The following HHLA2 variants were observed in gnomAD, a reference collection of about 807,000 sequenced individuals.
HHLA2 encodes HERV-H LTR-associating protein 2.
A neutral mutation model predicts 45.9 loss-of-function variants in HHLA2; 48 were observed. The ratio of observed to expected loss-of-function variants is 1.05; its 90% confidence interval spans 0.83 to 1.33. HHLA2 has a LOEUF of 1.33. Ranked by LOEUF, HHLA2 falls within the 40% of genes most tolerant of loss-of-function variation. HHLA2 has a pLI of 0.00. For synonymous variants in HHLA2, 161 were observed against 173.9 expected (o/e 0.93, Z 0.59); for missense variants, 462 against 494.3 (o/e 0.93, Z 0.62).
At chr3:108,342,018 G>A (rs774084841) in intron 3 of HHLA2, among the ~76,000 whole-genome samples, 6 of 152,056 alleles carry the variant, frequency 3.9e-5, no homozygotes, top group Admixed American at 6.6e-5. Flanking sequence ...ATCCCAAGCC[G>A]GACATGCTCA....
At chr3:108,321,721 C>T (rs1475204004) in intron 2 of HHLA2, among the ~76,000 whole-genome samples, 1 of 151,904 alleles carries the variant, frequency 6.6e-6, no homozygotes, top group African/African-American at 2.4e-5. Context: ...TTCTTAAATA[C>T]TTTTGTTTTC....
intron 1 of HHLA2, among the ~76,000 whole-genome samples, chr3:108,308,178 C>T (rs887142420): frequency 3.9e-5 from 6 of 152,182 alleles, no homozygotes. Flanking sequence ...CCCTTCCCAG[C>T]CTCTGGTAAC....
chr3:108,358,479 C>T (rs1409190564), intron 7 of HHLA2, among the ~76,000 whole-genome samples: 1 of 152,076 alleles, frequency 6.6e-6, no homozygotes, highest in African/African-American at 2.4e-5. Context: ...CTAATATATA[C>T]CTTAGGCCTA....
intron 1 of HHLA2, among the ~76,000 whole-genome samples, chr3:108,310,418 T>C (rs955544758): frequency 2.0e-5 from 3 of 152,214 alleles, no homozygotes; most frequent in African/African-American, 7.2e-5. Context: ...TAATGACATA[T>C]TGTTCCCCTC....
At chr3:108,324,637 T>C (rs2081258117) in intron 2 of HHLA2, among the ~76,000 whole-genome samples, 1 of 152,224 alleles carries the variant, frequency 6.6e-6, no homozygotes, top group Non-Finnish European at 1.5e-5. Context: ...CTGTCCTTGC[T>C]TTTCTTTAGT....
chr3:108,377,241 A>AT lies in HHLA2; in HGVS notation c.1225-12dup. The AT allele has an allele frequency of 6.7e-7, 1 of 1,489,174 alleles. No individual in the cohort carries two copies. The highest frequency in any genetic ancestry group is 9.3e-7 in the Non-Finnish European group (1 of 1,070,688). The allele number at this position is 1,489,174 out of a possible 1,614,324, so 92.2% of individuals were successfully genotyped here. A position where few individuals can be genotyped will look rare whatever the true frequency, so the allele number is the denominator to read the frequency against. On this transcript the variant is annotated splice_polypyrimidine_tract_variant and intron_variant, in intron 10 of 10. Transcript: ENST00000619531. ...CTTGAACAACAGACATTTAGAGTCTATTTTTCTTGCTTCTAGCCTCTTTCA... is the reference window on the plus strand; with the variant it reads ...CTTGAACAACAGACATTTAGAGTCTATTTTTTCTTGCTTCTAGCCTCTTTCA...
chr3:108,327,752 T>G (rs564465846), intron 2 of HHLA2, among the ~76,000 whole-genome samples: 1 of 152,324 alleles, frequency 6.6e-6, no homozygotes, highest in South Asian at 2.1e-4. Context: ...CTGAAGTGCA[T>G]GCGAGTTTTA....
intron 3 of HHLA2, among the ~76,000 whole-genome samples, chr3:108,349,644 T>C (rs987021222): frequency 6.6e-6 from 1 of 152,224 alleles, no homozygotes; most frequent in Admixed American, 6.5e-5. Context: ...ACTCATTTTA[T>C]GGGACAAATT....
chr3:108,357,987 T>G, exon 7 of HHLA2: 1 of 1,613,788 alleles, frequency 6.2e-7, no homozygotes, highest in South Asian at 1.1e-5. Context: ...CTATCTGAGC[T>G]CCTCACAAAA....
intron 3 of HHLA2, among the ~76,000 whole-genome samples, chr3:108,333,709 T>G (rs2081426529): frequency 6.6e-6 from 1 of 152,078 alleles, no homozygotes; most frequent in Non-Finnish European, 1.5e-5. Flanking sequence ...CAGATCTCGC[T>G]GAAATCATTG....
intron 3 of HHLA2, among the ~76,000 whole-genome samples, chr3:108,334,498 T>C (rs1305183716): frequency 1.3e-5 from 2 of 152,218 alleles, no homozygotes; most frequent in Admixed American, 1.3e-4. Context: ...TACTGCCACT[T>C]GGCTCTCCTA....
At chr3:108,323,134 G>A (rs2081233122) in intron 2 of HHLA2, among the ~76,000 whole-genome samples, 1 of 137,928 alleles carries the variant, frequency 7.3e-6, no homozygotes, top group South Asian at 2.6e-4. Flanking sequence ...CCATAGTGGG[G>A]GGGTCTGTGG....
chr3:108,362,676 A>G (rs534948449), intron 8 of HHLA2, among the ~76,000 whole-genome samples: 1 of 152,348 alleles, frequency 6.6e-6, no homozygotes, highest in East Asian at 1.9e-4. Flanking sequence ...ACCAAACTAT[A>G]TACAAGCATA....
exon 7 of HHLA2, chr3:108,357,969 C>T: frequency 6.2e-7 from 1 of 1,613,742 alleles, no homozygotes; most frequent in Non-Finnish European, 8.5e-7. Flanking sequence ...TTTCTCTGTC[C>T]TGGCTTACTA....
intron 6 of HHLA2, among the ~76,000 whole-genome samples, chr3:108,356,101 C>A (rs2081886991): frequency 6.8e-6 from 1 of 146,074 alleles, no homozygotes. Context: ...ATGATCTCAG[C>A]TCAATGCAAC....
chr3:108,306,645 G>A (rs2080935387), intron 1 of HHLA2, among the ~76,000 whole-genome samples: 1 of 152,146 alleles, frequency 6.6e-6, no homozygotes, highest in African/African-American at 2.4e-5. Context: ...CTGGCAGAAT[G>A]TTGCTGATAC....
At chr3:108,363,206 C>A (rs932889611) in intron 8 of HHLA2, among the ~76,000 whole-genome samples, 4 of 152,088 alleles carry the variant, frequency 2.6e-5, no homozygotes, top group Non-Finnish European at 5.9e-5. Context: ...AGCATCTGGG[C>A]AAAACTTAGA....
At chr3:108,366,906 C>T (rs983092458) in intron 8 of HHLA2, among the ~76,000 whole-genome samples, 2 of 152,036 alleles carry the variant, frequency 1.3e-5, no homozygotes, top group African/African-American at 4.8e-5. Context: ...TTTTGTTAAT[C>T]TTTTCAAAAT....
intron 7 of HHLA2, among the ~76,000 whole-genome samples, chr3:108,358,417 A>G (rs1189140725): frequency 1.3e-5 from 2 of 152,106 alleles, no homozygotes; most frequent in Non-Finnish European, 2.9e-5. Context: ...GAGGAAACAC[A>G]TTTTGATGAC....
Sources: gnomAD v4.1 joint callset for allele counts (sites outside exome capture counted in the v4.1 genomes callset) on GRCh38, gnomAD v4.1.1 for gene constraint, MANE v1.5 for transcripts, NCBI Gene and HGNC (gene_info 2026-07-23, HGNC 2026-07-21) for gene names.